The following MGST1 variants were observed in gnomAD, a reference collection of about 807,000 sequenced individuals.
MGST1 encodes microsomal glutathione S-transferase 1, also known as glutathione S-transferase 12.
A neutral mutation model predicts 8.9 loss-of-function variants in MGST1; 5 were observed. The observed-to-expected ratio is 0.56, with a 90% confidence interval of 0.29 to 1.19. The LOEUF (loss-of-function observed/expected upper bound fraction) is 1.19, where lower values mean the gene tolerates loss of function less well. MGST1 is among the 50% of genes most tolerant of loss of function. The pLI is 0.08. For missense variants in MGST1, 182 were observed against 187.4 expected, an observed-to-expected ratio of 0.97 and a Z score of 0.17; for synonymous variants, 54 against 67.8, an observed-to-expected ratio of 0.80 and a Z score of 1.00.
rs904655254 is a variant in MGST1 at position 16,576,944 on chromosome 12, C to G, written n.483-12584C>G. On this transcript the variant is annotated intron_variant and non_coding_transcript_variant, in intron 4 of 4. Transcript: ENST00000538857. This position sits in a 1 kb window ranked among gnomAD's most constrained non-coding sequence, Gnocchi z 4.1. ...CCTAAACTATCTATTTTAGAAATAA[C>G]CCAATAAGGGCAAAGCTATATGAGT... is the stretch of plus-strand genomic sequence containing the variant. 6.6e-6 allele frequency among the ~76,000 whole-genome samples: 1 copy of G among 152,160 alleles called. No individual in the cohort carries two copies. Among genetic ancestry groups the G allele is most frequent in the African/African-American group, 2.4e-5 (1 of 41,436 alleles).
In MGST1 at chr12:16,513,525, T is replaced by G; in HGVS notation, n.483-76003T>G. On this transcript the variant is annotated intron_variant and non_coding_transcript_variant, in intron 4 of 4. Coordinates refer to the MGST1 transcript ENST00000538857. The surrounding 1 kb of genome is among the most constrained non-coding windows in gnomAD (Gnocchi z 4.2). ...AGATGGGACCACCAGATCCCATCCT[T>G]GGAGTCACCGAAGGCTTTAAGAGGG... The G allele has an allele frequency of 2.1e-6, 1 of 483,694 alleles. No homozygotes were observed. Among genetic ancestry groups the G allele is most frequent in the Non-Finnish European group, 4.2e-6 (1 of 235,378 alleles). The allele number at this position is 483,694 out of a possible 1,614,324, so 30.0% of individuals were successfully genotyped here.
At chr12:16,533,197 T>C (rs903206579) in intron 4 of MGST1, among the ~76,000 whole-genome samples, 1 of 152,196 alleles carries the variant, frequency 6.6e-6, no homozygotes. Context: ...CAGAGGACTC[T>C]CATTTTTGTT....
In MGST1 at chr12:16,364,204, T is replaced by C; in HGVS notation, c.*163T>C. 1 of 1,293,850 alleles carries C rather than the reference T, an allele frequency of 7.7e-7. No homozygotes were observed. Among genetic ancestry groups the C allele is most frequent in the Non-Finnish European group, 9.8e-7 (1 of 1,020,360 alleles). 80.1% of individuals were successfully genotyped at this position (1,293,850 alleles called of 1,614,324 possible). ...GCATTGCCAATATCCTGTATTCTTG[T>C]TTTACATTTGGATTAGAAATTTAAC... On this transcript the variant is annotated 3_prime_UTR_variant, in exon 4 of 4. Coordinates refer to ENST00000396210, the MANE Select transcript of MGST1 (RefSeq NM_020300.5). The surrounding 1 kb of genome is among the most constrained non-coding windows in gnomAD (Gnocchi z 5.7).
intron 4 of MGST1, among the ~76,000 whole-genome samples, chr12:16,449,356 A>G (rs988179203): frequency 6.6e-6 from 1 of 151,876 alleles, no homozygotes; most frequent in Non-Finnish European, 1.5e-5. Flanking sequence ...CACCAAGAGG[A>G]TGGTGCTAAA....
chr12:16,561,437 G>T (rs1942401481), intron 4 of MGST1, among the ~76,000 whole-genome samples: 1 of 152,020 alleles, frequency 6.6e-6, no homozygotes, highest in Non-Finnish European at 1.5e-5. Flanking sequence ...CACCACATCT[G>T]CCAGTTTTCT....
At chr12:16,437,026 C>T (rs1940992839) in intron 1 of MGST1, among the ~76,000 whole-genome samples, 1 of 151,838 alleles carries the variant, frequency 6.6e-6, no homozygotes, top group South Asian at 2.1e-4. Flanking sequence ...TTGCCGCTAA[C>T]CTTGGAATGA....
intron 1 of MGST1, among the ~76,000 whole-genome samples, chr12:16,423,652 G>C (rs1370394528): frequency 4.6e-5 from 7 of 152,122 alleles, no homozygotes; most frequent in Non-Finnish European, 1.0e-4. Context: ...TACTCATTAT[G>C]ATGCTAATTA....
chr12:16,440,914 G>A (rs929875881), downstream of MGST1, among the ~76,000 whole-genome samples: 2 of 151,726 alleles, frequency 1.3e-5, no homozygotes, highest in African/African-American at 2.4e-5. Flanking sequence ...AGCCATTCTG[G>A]TGGTTATATA....
At chr12:16,488,509 T>A (rs1450653717) in intron 4 of MGST1, among the ~76,000 whole-genome samples, 1 of 152,208 alleles carries the variant, frequency 6.6e-6, no homozygotes, top group Non-Finnish European at 1.5e-5. Context: ...TAAGGTAGTT[T>A]TCAAATGTCA....
chr12:16,462,420 T>C (rs965230403), intron 4 of MGST1, among the ~76,000 whole-genome samples: 9 of 152,304 alleles, frequency 5.9e-5, no homozygotes, highest in African/African-American at 1.7e-4. Flanking sequence ...ATTTGCTGTC[T>C]TGTGTAACAC....
chr12:16,538,903 C>A (rs183255902), intron 4 of MGST1, among the ~76,000 whole-genome samples: 1 of 151,930 alleles, frequency 6.6e-6, no homozygotes, highest in East Asian at 1.9e-4. Flanking sequence ...CCACTGCACC[C>A]GGCCGAAAGG....
downstream of MGST1, among the ~76,000 whole-genome samples, chr12:16,378,407 C>A (rs1249806572): frequency 6.6e-6 from 1 of 152,012 alleles, no homozygotes; most frequent in Non-Finnish European, 1.5e-5. Flanking sequence ...ATAGGGAATC[C>A]TTTCCCAATT....
chr12:16,353,777 TGAGA>T (rs1939584255), intron 1 of MGST1, among the ~76,000 whole-genome samples: 3 of 146,434 alleles, frequency 2.0e-5, no homozygotes, highest in Admixed American at 6.9e-5. Flanking sequence ...TTTTTTTTTT[TGAGA>T]TAGAGTCTCT....
Position 16,560,818 on chromosome 12 carries a change from G to A in MGST1, n.483-28710G>A. 2.3e-6 allele frequency: 1 copy of A among 442,646 alleles called. No homozygotes were observed. The highest frequency in any genetic ancestry group is 1.9e-5 in the South Asian group (1 of 51,436). The allele number at this position is 442,646 out of a possible 1,614,324, so 27.4% of individuals were successfully genotyped here. ...CACATAAACAGAAGTCAATGGGGGT[G>A]AATTCATAGCAAAAATCTCTGGGTT... is the stretch of plus-strand genomic sequence containing the variant. On this transcript the variant is annotated intron_variant and non_coding_transcript_variant, in intron 4 of 4. Transcript: ENST00000538857. The surrounding 1 kb of genome is among the most constrained non-coding windows in gnomAD (Gnocchi z 5.0).
rs1441175551 is a variant in MGST1, at chr12:16,586,687, A to G, written n.483-2841A>G. Among the ~76,000 whole-genome samples the G allele has an allele frequency of 4.6e-5, 7 of 152,290 alleles. No homozygotes were observed. The highest frequency in any genetic ancestry group is 1.4e-4 in the African/African-American group (6 of 41,564). ...ACCGTCGGGGTAGAGATTTCAAGAT[A>G]CACATCTTTTGACCCCCCATTGCAG... On this transcript the variant is annotated intron_variant and non_coding_transcript_variant, in intron 4 of 4. Coordinates refer to the MGST1 transcript ENST00000538857. The surrounding 1 kb of genome is among the most constrained non-coding windows in gnomAD (Gnocchi z 4.3).
At chr12:16,357,431 A>AT (rs148513428) in intron 2 of MGST1, 174 bp from the exon 3 acceptor site, 11 of 541,274 alleles carry the variant, frequency 2.0e-5, no homozygotes, top group East Asian at 6.4e-5. Flanking sequence ...ACCATGCAAA[A>AT]TTTTTTTTAA....
Position 16,482,860 on chromosome 12 carries a change from A to AAACCTAG in MGST1, n.482+99256_482+99257insAACCTAG, listed in dbSNP as rs776646315. ...TTCAGCAATCAGGAGTCCTAGGCAG[A>AAACCTAG]GTAGTTTCAAGGTCTTGAACCACCA... On this transcript the variant is annotated intron_variant and non_coding_transcript_variant, in intron 4 of 4. Transcript: ENST00000538857. This position sits in a 1 kb window ranked among gnomAD's most constrained non-coding sequence, Gnocchi z 4.2. Among the ~76,000 whole-genome samples, 17 of 152,326 alleles carry AAACCTAG rather than the reference A, an allele frequency of 1.1e-4. No homozygotes were observed. Among genetic ancestry groups the AAACCTAG allele is most frequent in the Non-Finnish European group, 2.4e-4 (16 of 68,026 alleles).
intron 4 of MGST1, among the ~76,000 whole-genome samples, chr12:16,515,523 G>A (rs1422371716): frequency 2.6e-5 from 4 of 151,722 alleles, no homozygotes; most frequent in Admixed American, 1.3e-4. Flanking sequence ...CCAGCTACTC[G>A]GGAGGCTGAG....
intron 1 of MGST1, among the ~76,000 whole-genome samples, chr12:16,427,265 G>A (rs1477109968): frequency 6.6e-6 from 1 of 152,158 alleles, no homozygotes; most frequent in Non-Finnish European, 1.5e-5. Context: ...TGATGAGTGG[G>A]AATGATCTAT....
Sources: allele counts gnomAD v4.1 joint callset (sites outside exome capture counted in the v4.1 genomes callset), GRCh38; gene constraint gnomAD v4.1.1; non-coding constraint Gnocchi (gnomAD v3.1); transcripts MANE v1.5; gene names NCBI Gene and HGNC (gene_info 2026-07-23, HGNC 2026-07-21).